KITLG: variants seen among roughly 807,000 people sequenced by gnomAD.
KITLG encodes the protein KIT ligand, also known as c-Kit ligand.
In KITLG, 13 loss-of-function variants were observed where a neutral mutation model predicts 34.1. That is an observed-to-expected ratio of 0.38 (90% CI 0.25 to 0.61). KITLG has a LOEUF of 0.61. Ranked by LOEUF, KITLG falls within the 20% of genes least tolerant of loss-of-function variation. KITLG has a pLI of 0.60. For synonymous variants in KITLG, 110 were observed against 104.0 expected (o/e 1.06, Z -0.35); for missense variants, 292 against 318.9 (o/e 0.92, Z 0.64).
chr12:88,573,182 C>T (rs1057358494), intron 1 of KITLG, among the ~76,000 whole-genome samples: 7 of 152,160 alleles, frequency 4.6e-5, no homozygotes, highest in Admixed American at 1.3e-4. Context: ...CTTACCACTC[C>T]TCCATCTAGA....
At chr12:88,574,290 G>GA (rs5799871) in intron 1 of KITLG, among the ~76,000 whole-genome samples, 22 of 139,332 alleles carry the variant, frequency 1.6e-4, no homozygotes, top group East Asian at 1.2e-3. Context: ...ACTGCTAAAA[G>GA]AAAAAAAAAA....
rs576331393 is a variant in KITLG, at chr12:88,516,235, G to A, written c.520+99C>T. The A allele has an allele frequency of 6.8e-5, 66 of 972,066 alleles. No individual in the cohort carries two copies. The African/African-American group carries it at 1.0e-3, about 15-fold the overall frequency. The allele number at this position is 972,066 out of a possible 1,614,324, so 60.2% of individuals were successfully genotyped here. ...GCTTTTTTATTAGACGTACATGCATGTATCTTGCTACAGCTTAACACAGAG... is the reference window on the plus strand; with the variant it reads ...GCTTTTTTATTAGACGTACATGCATATATCTTGCTACAGCTTAACACAGAG... On this transcript the variant is annotated intron_variant, in intron 5 of 9. Transcript: ENST00000644744.
intron 6 of KITLG, among the ~76,000 whole-genome samples, chr12:88,514,693 A>G (rs1472120085): frequency 6.6e-6 from 1 of 151,620 alleles, no homozygotes; most frequent in Non-Finnish European, 1.5e-5. Flanking sequence ...AAATAAGTAA[A>G]TTGTATTTTA....
chr12:88,563,303 C>T (rs2120960074), intron 1 of KITLG, among the ~76,000 whole-genome samples: 1 of 152,310 alleles, frequency 6.6e-6, no homozygotes, highest in Non-Finnish European at 1.5e-5. Context: ...TATCTGTCAT[C>T]TTTTCTAAAG....
chr12:88,513,625 C>T (rs1869359287), intron 6 of KITLG, among the ~76,000 whole-genome samples: 2 of 151,518 alleles, frequency 1.3e-5, no homozygotes, highest in Admixed American at 1.3e-4. Context: ...GCTCTAATAT[C>T]AGACAAAATA....
intron 6 of KITLG, among the ~76,000 whole-genome samples, chr12:88,514,034 G>A (rs1181787391): frequency 1.3e-5 from 2 of 151,456 alleles, no homozygotes; most frequent in African/African-American, 4.8e-5. Context: ...GTAACAATAA[G>A]ATATATAGGA....
intron 1 of KITLG, among the ~76,000 whole-genome samples, chr12:88,547,965 A>G (rs1313424787): frequency 2.6e-5 from 4 of 152,348 alleles, no homozygotes; most frequent in East Asian, 3.9e-4. Context: ...TAGGTTATAC[A>G]GTATGTCAAA....
Position 88,531,600 on chromosome 12 carries a change from CTTG to C in KITLG, c.192+838_192+840del, listed in dbSNP as rs141360170. 9.9e-3 allele frequency among the ~76,000 whole-genome samples: 1,503 copies of C among 152,230 alleles called. 26 individuals carry two copies. Among genetic ancestry groups the C allele is most frequent in the African/African-American group, 0.034 (1,401 of 41,550 alleles). On this transcript the variant is annotated intron_variant, in intron 3 of 9. Coordinates refer to ENST00000644744, the MANE Select transcript of KITLG (RefSeq NM_000899.5). ...GTACTTATAATAGTAAACACATACA[CTTG>C]TTGTAAGGTTCTAAGAATCTATTGC... is the stretch of plus-strand genomic sequence containing the variant.
intron 1 of KITLG, among the ~76,000 whole-genome samples, chr12:88,549,381 C>A (rs143330822): frequency 2.6e-5 from 4 of 151,958 alleles, no homozygotes; most frequent in African/African-American, 9.7e-5. Context: ...AAAATGAAAC[C>A]GACAAGTTGG....
At position 88,495,761 on chromosome 12, in the gene KITLG, G is replaced by A. The variant is rs1409589136; in HGVS notation, c.*1458C>T. 6.6e-6 allele frequency: 1 copy of A among 152,192 alleles called. No individual in the cohort carries two copies. Among genetic ancestry groups the A allele is most frequent in the Non-Finnish European group, 1.5e-5 (1 of 68,004 alleles). The allele number at this position is 152,192 out of a possible 1,614,324, so 9.4% of individuals were successfully genotyped here. A position where few individuals can be genotyped will look rare whatever the true frequency, so the allele number is the denominator to read the frequency against. On this transcript the variant is annotated 3_prime_UTR_variant, in exon 10 of 10. Coordinates refer to ENST00000644744, the MANE Select transcript of KITLG (RefSeq NM_000899.5). ...TACGGTTGTAGAACATGGCAATAAT[G>A]TTATCACAAAGATTAAGTTAGAATG...
At chr12:88,552,884 T>C (rs1424202257) in intron 1 of KITLG, among the ~76,000 whole-genome samples, 1 of 152,150 alleles carries the variant, frequency 6.6e-6, no homozygotes, top group Non-Finnish European at 1.5e-5. Flanking sequence ...TATCAGCCTA[T>C]AAAATGATAG....
At chr12:88,546,652 C>T (rs895153256) in intron 1 of KITLG, among the ~76,000 whole-genome samples, 2 of 152,190 alleles carry the variant, frequency 1.3e-5, no homozygotes, top group African/African-American at 4.8e-5. Flanking sequence ...CTTCACAACA[C>T]ATAACACAGT....
intron 4 of KITLG, among the ~76,000 whole-genome samples, chr12:88,518,467 G>C (rs988129980): frequency 2.0e-5 from 3 of 152,134 alleles, no homozygotes; most frequent in Non-Finnish European, 4.4e-5. Context: ...ATGTAAATAA[G>C]TTTTATTTTT....
intron 1 of KITLG, among the ~76,000 whole-genome samples, chr12:88,558,006 C>A (rs570536368): frequency 6.6e-6 from 1 of 152,200 alleles, no homozygotes; most frequent in South Asian, 2.1e-4. Flanking sequence ...TCATGTAAAT[C>A]AAAAATTATG....
At position 88,507,040 on chromosome 12, in the gene KITLG, G is replaced by T. The variant is rs375290539; in HGVS notation, c.702C>A (p.Ala234=). Residue 234 remains alanine (A), a synonymous_variant, in exon 7 of 10, where the codon GCC becomes GCA. Coordinates refer to ENST00000644744, the MANE Select transcript of KITLG (RefSeq NM_000899.5). ...FSLIIGFAFG[A]LYWKKRQPSL... is the part of the protein sequence containing the mutation. ...TGGTACCACTTACCTTCCAGTATAA[G>T]GCTCCAAAAGCAAAGCCAATTATAA... 21 of 1,586,688 alleles carry T rather than the reference G, an allele frequency of 1.3e-5. No individual in the cohort carries two copies. Among genetic ancestry groups the T allele is most frequent in the Non-Finnish European group, 1.8e-5 (21 of 1,155,150 alleles).
chr12:88,534,353 A>G (rs1870223241), intron 2 of KITLG, among the ~76,000 whole-genome samples: 1 of 152,066 alleles, frequency 6.6e-6, no homozygotes, highest in African/African-American at 2.4e-5. Context: ...CACCCTAAAT[A>G]AAATATTAGA....
rs1248863624 is a variant in KITLG, at chr12:88,534,743, C to T, written c.130-2240G>A. The T allele has an allele frequency of 1.0e-5, 5 of 502,096 alleles. No homozygotes were observed. The Admixed American group carries it at 1.0e-4, about 11-fold the overall frequency. 31.1% of individuals were successfully genotyped at this position (502,096 alleles called of 1,614,324 possible). ...TGTTCATTTATTTTTGGCGTTAACT[C>T]CCTTATTCTTTACACTTAACTTTCT... On this transcript the variant is annotated intron_variant, in intron 2 of 9. Coordinates refer to ENST00000644744, the MANE Select transcript of KITLG (RefSeq NM_000899.5).
At chr12:88,519,648 GCT>G (rs1179662100) in intron 3 of KITLG, among the ~76,000 whole-genome samples, 1 of 151,736 alleles carries the variant, frequency 6.6e-6, no homozygotes, top group East Asian at 1.9e-4. Flanking sequence ...ACAGAGACAG[GCT>G]CTCTCTCTGA....
rs2131208 is a variant in KITLG, at chr12:88,553,525, C to T, written c.16-7660G>A. On this transcript the variant is annotated intron_variant, in intron 1 of 9. Transcript: ENST00000644744. ...TTTTATCATTGTACAACTTTTCTCT[C>T]TAGGTCAAGCTCATTGTGTGATAAC... Among the ~76,000 whole-genome samples the T allele has an allele frequency of 2.0e-5, 3 of 152,040 alleles. No individual in the cohort carries two copies. The East Asian group carries it at 5.8e-4, about 29-fold the overall frequency.
Sources: gnomAD v4.1 joint callset for allele counts (sites outside exome capture counted in the v4.1 genomes callset) on GRCh38, gnomAD v4.1.1 for gene constraint, MANE v1.5 for transcripts, NCBI Gene and HGNC (gene_info 2026-07-23, HGNC 2026-07-21) for gene names.